Variants in PPP3CA observed in about 807,000 individuals in gnomAD.
The protein encoded by PPP3CA is CAM-PRP catalytic subunit.
A neutral mutation model predicts 66.5 loss-of-function variants in PPP3CA; 14 were observed. The observed-to-expected ratio is 0.21, with a 90% CI of 0.14 to 0.33. The LOEUF (loss-of-function observed/expected upper bound fraction) is 0.33, where lower values mean the gene tolerates loss of function less well. Among genes scored for constraint, PPP3CA ranks in the 10% least tolerant of loss-of-function variants. The probability of loss-of-function intolerance (pLI) is 1.00; values close to 1 mark genes in which losing one functional copy is unlikely to be tolerated. For synonymous variants in PPP3CA, 232 were observed against 226.2 expected, an observed-to-expected ratio of 1.03 and a Z score of -0.23; for missense variants, 317 against 639.5, an observed-to-expected ratio of 0.50 and a Z score of 5.44.
chr4:101,278,104 A>C (rs1174145572), intron 1 of PPP3CA, among the ~76,000 whole-genome samples: 2 of 147,052 alleles, frequency 1.4e-5, no homozygotes, highest in Non-Finnish European at 3.0e-5. Context: ...TAAAAAATGA[A>C]ACTTTAAAAG....
intron 1 of PPP3CA, among the ~76,000 whole-genome samples, chr4:101,266,131 T>G (rs1027657226): frequency 6.6e-6 from 1 of 152,150 alleles, no homozygotes; most frequent in Admixed American, 6.5e-5. Context: ...AATTCCAGAC[T>G]GTTTTCACTA....
intron 3 of PPP3CA, among the ~76,000 whole-genome samples, chr4:101,102,518 TA>T (rs1259379285): frequency 6.6e-6 from 1 of 152,122 alleles, no homozygotes; most frequent in Non-Finnish European, 1.5e-5. Flanking sequence ...AGTGGCATGG[TA>T]AATGAAAGGG....
chr4:101,059,628 C>T, intron 10 of PPP3CA, among the ~76,000 whole-genome samples: 1 of 152,076 alleles, frequency 6.6e-6, no homozygotes, highest in East Asian at 1.9e-4. Flanking sequence ...ATTTGGAAAC[C>T]AACTTTTAGA....
chr4:101,218,383 C>A (rs979344452), intron 1 of PPP3CA, among the ~76,000 whole-genome samples: 1 of 151,974 alleles, frequency 6.6e-6, no homozygotes. Flanking sequence ...ATTAAAAACC[C>A]GTTAAAAACT....
At chr4:101,293,386 T>C (rs1728093863) in intron 1 of PPP3CA, among the ~76,000 whole-genome samples, 2 of 152,206 alleles carry the variant, frequency 1.3e-5, no homozygotes, top group Non-Finnish European at 2.9e-5. Flanking sequence ...GAACTCTTGA[T>C]TCTTCAGACT....
intron 2 of PPP3CA, among the ~76,000 whole-genome samples, chr4:101,161,373 C>T (rs1410607134): frequency 6.6e-6 from 1 of 152,124 alleles, no homozygotes; most frequent in Non-Finnish European, 1.5e-5. Flanking sequence ...TGAATTCAAT[C>T]ACTCATGAAT....
rs113300557 is a variant in PPP3CA, at chr4:101,318,225, C to T, written c.58+28514G>A. On this transcript the variant is annotated intron_variant, in intron 1 of 13. Transcript: ENST00000394854. ...GTTCACTACTGAAATAATCTACTAA[C>T]ATCTGTTCATAAAAGGCCTAGACTC... Among the ~76,000 whole-genome samples the T allele has an allele frequency of 9.8e-4, 149 of 152,252 alleles. 1 individual carries two copies. Among genetic ancestry groups the T allele is most frequent in the African/African-American group, 3.3e-3 (139 of 41,550 alleles).
chr4:101,035,257 A>G (rs1033844960), intron 11 of PPP3CA, among the ~76,000 whole-genome samples: 3 of 152,138 alleles, frequency 2.0e-5, no homozygotes, highest in African/African-American at 7.2e-5. Context: ...CGCAAGAGCG[A>G]GACCGTCTTA....
intron 2 of PPP3CA, among the ~76,000 whole-genome samples, chr4:101,160,933 GT>G (rs1397922051): frequency 6.6e-6 from 1 of 151,970 alleles, no homozygotes; most frequent in African/African-American, 2.4e-5. Context: ...GATTTCAAGG[GT>G]TTCTTTTTCT....
At chr4:101,323,593 C>T (rs78215415) in intron 1 of PPP3CA, among the ~76,000 whole-genome samples, 3 of 152,186 alleles carry the variant, frequency 2.0e-5, no homozygotes, top group Non-Finnish European at 4.4e-5. Context: ...CCTAAATAAT[C>T]TCTCAGATGT....
At chr4:101,063,895 A>T (rs1728576070) in intron 8 of PPP3CA, among the ~76,000 whole-genome samples, 1 of 151,980 alleles carries the variant, frequency 6.6e-6, no homozygotes, top group African/African-American at 2.4e-5. Flanking sequence ...GTTTTGACAC[A>T]TATAATGCAC....
intron 10 of PPP3CA, among the ~76,000 whole-genome samples, chr4:101,045,491 G>A (rs1192991347): frequency 6.6e-6 from 1 of 152,182 alleles, no homozygotes; most frequent in Non-Finnish European, 1.5e-5. Flanking sequence ...AAACTTTTCA[G>A]TGAAATGGTG....
intron 2 of PPP3CA, among the ~76,000 whole-genome samples, chr4:101,120,399 C>T (rs896051845): frequency 1.3e-5 from 2 of 151,976 alleles, no homozygotes; most frequent in African/African-American, 4.8e-5. Context: ...GCATCAGCTT[C>T]CTGACATCAG....
At chr4:101,209,205 G>A (rs542252105) in intron 1 of PPP3CA, among the ~76,000 whole-genome samples, 1 of 152,150 alleles carries the variant, frequency 6.6e-6, no homozygotes, top group South Asian at 2.1e-4. Context: ...AAAGAAATAA[G>A]GAGAAAATAA....
rs188629504 is a variant in PPP3CA at position 101,286,203 on chromosome 4, G to T, written c.58+60536C>A. On this transcript the variant is annotated intron_variant, in intron 1 of 13. Coordinates refer to ENST00000394854, the MANE Select transcript of PPP3CA (RefSeq NM_000944.5). ...ATCTGACAGAAGGCAGAGGAGCTCA[G>T]GTAGTAATGCTTGCTGGCCAGCCAC... is the stretch of plus-strand genomic sequence containing the variant. Among the ~76,000 whole-genome samples, 43 of 152,336 alleles carry T rather than the reference G, an allele frequency of 2.8e-4. No individual in the cohort carries two copies. The East Asian group carries it at 7.3e-3, about 26-fold the overall frequency.
chr4:101,284,210 C>G (rs765059514), intron 1 of PPP3CA, among the ~76,000 whole-genome samples: 1 of 152,078 alleles, frequency 6.6e-6, no homozygotes, highest in Admixed American at 6.6e-5. Context: ...TATCCATAAG[C>G]GTAATCAGGA....
intron 8 of PPP3CA, among the ~76,000 whole-genome samples, chr4:101,079,003 T>A (rs1240588494): frequency 2.6e-5 from 4 of 152,230 alleles, no homozygotes; most frequent in Admixed American, 2.0e-4. Context: ...CTGATAACCA[T>A]GCTCCTTCAC....
In PPP3CA at chr4:101,213,523, T is replaced by C. The variant is rs557609617; in HGVS notation, c.59-17407A>G. Among the ~76,000 whole-genome samples, 24 of 152,252 alleles carry C rather than the reference T, an allele frequency of 1.6e-4. No individual in the cohort carries two copies. In the East Asian group the frequency reaches 4.4e-3, roughly 28 times the overall value. ...CTGCTCTACAGGGCATAAGAAAAGT[T>C]ATCATTTGGAACAAAGAGCTCTTTT... On this transcript the variant is annotated intron_variant, in intron 1 of 13. Coordinates refer to ENST00000394854, the MANE Select transcript of PPP3CA (RefSeq NM_000944.5).
In PPP3CA at chr4:101,023,583, T is replaced by C. The variant is rs1029700857; in HGVS notation, c.*2282A>G. The C allele has an allele frequency of 2.6e-5, 4 of 152,516 alleles. No individual in the cohort carries two copies. The highest frequency in any genetic ancestry group is 2.6e-4 in the Admixed American group (4 of 15,286). The allele number at this position is 152,516 out of a possible 1,614,324, so 9.4% of individuals were successfully genotyped here. On this transcript the variant is annotated 3_prime_UTR_variant, in exon 14 of 14. Coordinates refer to ENST00000394854, the MANE Select transcript of PPP3CA (RefSeq NM_000944.5). ...AAACACCATGATACCAGAATCACCATTTCTTTCACATCATCACTCTAGTAA... is the reference window on the plus strand; with the variant it reads ...AAACACCATGATACCAGAATCACCACTTCTTTCACATCATCACTCTAGTAA...
Sources: gnomAD v4.1 joint callset for allele counts (sites outside exome capture counted in the v4.1 genomes callset) on GRCh38, gnomAD v4.1.1 for gene constraint, MANE v1.5 for transcripts, NCBI Gene and HGNC (gene_info 2026-07-23, HGNC 2026-07-21) for gene names.